Variants in FAM153A observed in about 807,000 individuals in gnomAD.
FAM153A encodes the protein protein FAM153A.
Under a neutral mutation model 48.1 loss-of-function variants are expected in FAM153A, and 12 were observed. The ratio of observed to expected loss-of-function variants is 0.25; its 90% CI spans 0.16 to 0.40. FAM153A has a LOEUF of 0.40. FAM153A is among the 10% of genes least tolerant of loss of function. The probability of loss-of-function intolerance (pLI) is 1.00; values close to 1 mark genes in which losing one functional copy is unlikely to be tolerated. For missense variants in FAM153A, 111 were observed against 345.8 expected (o/e 0.32, Z 5.38); for synonymous variants, 36 against 118.2 (o/e 0.30, Z 4.51).
downstream of FAM153A, among the ~76,000 whole-genome samples, chr5:177,718,829 A>T (rs1381869508): frequency 1.3e-5 from 2 of 150,226 alleles, no homozygotes; most frequent in African/African-American, 4.9e-5. Flanking sequence ...TAAAGTAGTG[A>T]CTAAACAATT....
At chr5:177,702,000 C>T in the FAM153A span, among the ~76,000 whole-genome samples, 7 of 151,580 alleles carry the variant, frequency 4.6e-5, no homozygotes, top group South Asian at 4.2e-4. Flanking sequence ...CTCCGCCTCC[C>T]GGGTTCACGC....
upstream of FAM153A, among the ~76,000 whole-genome samples, chr5:177,755,416 A>T (rs558583545): frequency 0.021 from 3,153 of 151,986 alleles, 162 homozygotes; most frequent in African/African-American, 0.072. Context: ...ACTCTGCAGG[A>T]TATTATCCAG....
chr5:177,734,802 C>A, intron 13 of FAM153A, 61 bp downstream of exon 15: 1 of 1,607,976 alleles, frequency 6.2e-7, no homozygotes, highest in Non-Finnish European at 8.5e-7. Context: ...TTAATTTAAT[C>A]CAAATAAGAT....
chr5:177,705,959 A>G (rs1757849473), downstream of FAM153A, among the ~76,000 whole-genome samples: 1 of 151,668 alleles, frequency 6.6e-6, no homozygotes, highest in Non-Finnish European at 1.5e-5. Context: ...CGCCCAGCCT[A>G]GAAAACATTT....
At chr5:177,757,379 G>C (rs1767839263), upstream of FAM153A, among the ~76,000 whole-genome samples, 1 of 106,006 alleles carries the variant, frequency 9.4e-6, no homozygotes. Flanking sequence ...TGGATTCACA[G>C]CCGAATTCTA....
intron 1 of FAM153A, among the ~76,000 whole-genome samples, chr5:177,758,465 GA>G (rs1454020929): frequency 6.9e-6 from 1 of 145,030 alleles, no homozygotes; most frequent in African/African-American, 2.5e-5. Context: ...CACTGAATTG[GA>G]AAAAACTACT....
At chr5:177,760,235 C>CTTT (rs56901584) in intron 1 of FAM153A, among the ~76,000 whole-genome samples, 1 of 96,226 alleles carries the variant, frequency 1.0e-5, no homozygotes, top group Non-Finnish European at 2.0e-5. Context: ...TGGGAAAGAC[C>CTTT]TTTTTTTTTT....
At chr5:177,716,567 A>C (rs1416339056) in intron 24 of FAM153A, among the ~76,000 whole-genome samples, 1 of 151,852 alleles carries the variant, frequency 6.6e-6, no homozygotes, top group Non-Finnish European at 1.5e-5. Context: ...GACAATTCTC[A>C]GTTGAAATGT....
At chr5:177,745,270 C>T in intron 4 of FAM153A, 1 of 47,578 alleles carries the variant, frequency 2.1e-5, no homozygotes, top group South Asian at 2.1e-4. Flanking sequence ...TCATTTCCTC[C>T]TCAGAATCCA....
At chr5:177,702,587 A>G in the FAM153A span, among the ~76,000 whole-genome samples, 1 of 151,872 alleles carries the variant, frequency 6.6e-6, no homozygotes, top group East Asian at 1.9e-4. Flanking sequence ...CATAGAAGAC[A>G]TTTCAGAGAC....
chr5:177,781,951 G>C (rs1174029872), upstream of FAM153A, among the ~76,000 whole-genome samples: 1 of 83,722 alleles, frequency 1.2e-5, no homozygotes, highest in African/African-American at 4.4e-5. Flanking sequence ...GGATGGTCTC[G>C]ATCTCTTGAC....
chr5:177,771,738 C>T lies in FAM153A; in HGVS notation c.-57+8711G>A, dbSNP rs1282995500. Among the ~76,000 whole-genome samples the T allele has an allele frequency of 7.2e-5, 7 of 96,720 alleles. 2 individuals carry two copies. The highest frequency in any genetic ancestry group is 1.1e-4 in the Non-Finnish European group (5 of 46,868). 63.5% of individuals were successfully genotyped at this position (96,720 alleles called of 152,430 possible). On this transcript the variant is annotated intron_variant, in intron 1 of 8. Coordinates refer to the FAM153A transcript ENST00000393518. ...GAGCAGCTGCTTTCCTTCTGAAGGT[C>T]GGAATGTGGGTACATGTGAGGGAGA...
chr5:177,707,527 A>C (rs1249337251), downstream of FAM153A, among the ~76,000 whole-genome samples: 1 of 152,098 alleles, frequency 6.6e-6, no homozygotes, highest in East Asian at 1.9e-4. Flanking sequence ...ATACAATGAA[A>C]GAAACATTTT....
intron 4 of FAM153A, among the ~76,000 whole-genome samples, chr5:177,746,319 C>A (rs1002916479): frequency 6.8e-6 from 1 of 146,882 alleles, no homozygotes; most frequent in African/African-American, 2.6e-5. Context: ...GCTCCCATGC[C>A]CAGCTAATTT....
chr5:177,753,318 C>T, upstream of FAM153A: 1 of 922,480 alleles, frequency 1.1e-6, no homozygotes, highest in South Asian at 1.5e-5. Context: ...AGCAACAGGT[C>T]ACAGTAGAAT....
intron 6 of FAM153A, among the ~76,000 whole-genome samples, chr5:177,743,201 GTTTTGTT>G (rs1270585243): frequency 0.014 from 1,247 of 86,426 alleles, 32 homozygotes; most frequent in African/African-American, 0.043. Flanking sequence ...TTTTTTTTTT[GTTTTGTT>G]TTTTTTTTTT....
chr5:177,696,904 C>A, the FAM153A span, among the ~76,000 whole-genome samples: 8 of 151,468 alleles, frequency 5.3e-5, no homozygotes, highest in South Asian at 2.1e-4. Context: ...TGTTCTTTTT[C>A]AAAATTGTTT....
downstream of FAM153A, among the ~76,000 whole-genome samples, chr5:177,709,276 T>G (rs1294438449): frequency 8.7e-6 from 1 of 114,530 alleles, no homozygotes; most frequent in Non-Finnish European, 1.9e-5. Context: ...TTTTTTTTTT[T>G]GTAGTCTTCC....
At chr5:177,766,333 T>A (rs1355256496) in intron 1 of FAM153A, among the ~76,000 whole-genome samples, 1 of 93,930 alleles carries the variant, frequency 1.1e-5, no homozygotes, top group East Asian at 3.9e-4. Flanking sequence ...TAGAGGTTAT[T>A]TTAATTGGTC....
Sources: gnomAD v4.1 joint callset for allele counts (sites outside exome capture counted in the v4.1 genomes callset) on GRCh38, gnomAD v4.1.1 for gene constraint, MANE v1.5 for transcripts, NCBI Gene and HGNC (gene_info 2026-07-23, HGNC 2026-07-21) for gene names.